FREM1: variants seen among roughly 807,000 people sequenced by gnomAD.
FREM1 encodes the protein FRAS1 related extracellular matrix 1.
In FREM1, 220 loss-of-function variants were observed where a neutral mutation model predicts 210.1. The observed-to-expected ratio is 1.05, with a 90% confidence interval of 0.94 to 1.17. The LOEUF is 1.17. Ranked by LOEUF, FREM1 falls within the 50% of genes most tolerant of loss-of-function variation. The pLI, the probability that FREM1 is intolerant of heterozygous loss-of-function variation, is 0.00. For missense variants in FREM1, 3,454 were observed against 2,675.5 expected (o/e 1.29, Z -6.42); for synonymous variants, 1,189 against 980.2 (o/e 1.21, Z -3.98).
At chr9:14,877,343 C>G (rs1269550418) in intron 1 of FREM1, among the ~76,000 whole-genome samples, 1 of 151,806 alleles carries the variant, frequency 6.6e-6, no homozygotes, top group Non-Finnish European at 1.5e-5. Context: ...TCAATCTTCC[C>G]TCCCTCAGTC....
At chr9:14,785,320 T>C (rs760481043) in intron 23 of FREM1, among the ~76,000 whole-genome samples, 138 of 152,320 alleles carry the variant, frequency 9.1e-4, no homozygotes, top group Non-Finnish European at 1.1e-3. Flanking sequence ...ATTAGTTATA[T>C]GAGCAAGCTG....
At chr9:14,774,511 ATCTCTCTCTCTCTCTCTCTCTCTCTCTC>A (rs36211636) in intron 25 of FREM1, among the ~76,000 whole-genome samples, 47 of 136,342 alleles carry the variant, frequency 3.4e-4, no homozygotes, top group African/African-American at 1.1e-3. Context: ...CCTAAAATAA[ATCTCTCTCTCTCTCTCTCTCTCTCTCTC>A]TCTCTCTCTC....
intron 17 of FREM1, among the ~76,000 whole-genome samples, chr9:14,807,699 C>A (rs542620745): frequency 7.4e-5 from 11 of 147,668 alleles, no homozygotes; most frequent in African/African-American, 2.7e-4. Flanking sequence ...ACACACACAC[C>A]CCAACACACG....
intron 8 of FREM1, 126 bp from the exon 9 acceptor site, chr9:14,842,786 A>T (rs1825916369): frequency 1.5e-6 from 1 of 653,026 alleles, no homozygotes. Flanking sequence ...CTCACCTGGA[A>T]AAACTACAGA....
chr9:14,853,764 G>A (rs989726386), intron 5 of FREM1, among the ~76,000 whole-genome samples: 1 of 152,196 alleles, frequency 6.6e-6, no homozygotes, highest in Non-Finnish European at 1.5e-5. Context: ...ATACTGAGAT[G>A]TCCCAGGGTT....
intron 1 of FREM1, among the ~76,000 whole-genome samples, chr9:14,897,653 T>C (rs1837983201): frequency 6.6e-6 from 1 of 151,758 alleles, no homozygotes; most frequent in South Asian, 2.1e-4. Context: ...TACAGTTCCT[T>C]CATCAAGGCT....
Position 14,746,914 on chromosome 9 carries a change from G to A in FREM1, c.6138+9C>T, listed in dbSNP as rs1212598050. On this transcript the variant is annotated intron_variant, in intron 34 of 36. Coordinates refer to ENST00000380880, the MANE Select transcript of FREM1 (RefSeq NM_001379081.2). Reference sequence around the variant, plus strand: ...ATAAAGGTGCTTGGCTGCTCAGCCTGCCTCCTACCTTGGTTTGGGGACTCC... The same window carrying A: ...ATAAAGGTGCTTGGCTGCTCAGCCTACCTCCTACCTTGGTTTGGGGACTCC... The A allele has an allele frequency of 3.1e-6, 5 of 1,611,690 alleles. No homozygotes were observed. The highest frequency in any genetic ancestry group is 4.2e-6 in the Non-Finnish European group (5 of 1,179,354).
At chr9:14,762,549 C>T (rs2132315093) in intron 27 of FREM1, among the ~76,000 whole-genome samples, 1 of 152,076 alleles carries the variant, frequency 6.6e-6, no homozygotes, top group South Asian at 2.1e-4. Flanking sequence ...CCTGATGCAC[C>T]ATTTGAATGC....
At chr9:14,838,313 C>T (rs113996195) in intron 10 of FREM1, among the ~76,000 whole-genome samples, 5 of 152,138 alleles carry the variant, frequency 3.3e-5, no homozygotes, top group Non-Finnish European at 7.3e-5. Flanking sequence ...TCTAGTTGAG[C>T]AGCTGAAAGT....
At chr9:14,783,297 C>T (rs1412478679) in intron 24 of FREM1, among the ~76,000 whole-genome samples, 5 of 152,114 alleles carry the variant, frequency 3.3e-5, no homozygotes, top group African/African-American at 9.7e-5. Flanking sequence ...AGATAGAGGA[C>T]AGTGATATTC....
In FREM1 at chr9:14,812,826, G is replaced by A. The variant is rs376847059; in HGVS notation, c.2879C>T (p.Thr960Ile). The A allele has an allele frequency of 3.1e-6, 5 of 1,610,492 alleles. No individual in the cohort carries two copies. The highest frequency in any genetic ancestry group is 4.2e-6 in the Non-Finnish European group (5 of 1,177,866). Residue 960 changes from threonine to isoleucine, a missense_variant, in exon 16 of 37, where the codon ACA (threonine) becomes ATA (isoleucine). Physicochemically the swap from Thr to Ile is moderately conservative, Grantham distance 89. Coordinates refer to ENST00000380880, the MANE Select transcript of FREM1 (RefSeq NM_001379081.2). ...CTGCTGCTTACCTGTGTGTTTGTAT[G>A]TCACGGCCTCTGAGATAACATCTCT... ...SQRDVISEAV[T>I]YKHTGGEIGL...
At chr9:14,821,543 A>G (rs1821312711) in intron 13 of FREM1, among the ~76,000 whole-genome samples, 1 of 152,208 alleles carries the variant, frequency 6.6e-6, no homozygotes, top group South Asian at 2.1e-4. Flanking sequence ...ATAAAATCTA[A>G]TCAAGTTGAC....
chr9:14,825,547 G>GTGTGTGTGTATATATATATATATA lies in FREM1; in HGVS notation c.1882-556_1882-555insTATATATATATATATACACACACA. 1.8e-3 allele frequency among the ~76,000 whole-genome samples: 139 copies of GTGTGTGTGTATATATATATATATA among 75,832 alleles called. 1 individual carries two copies. Among genetic ancestry groups the GTGTGTGTGTATATATATATATATA allele is most frequent in the Non-Finnish European group, 2.5e-3 (103 of 40,574 alleles). 49.7% of individuals were successfully genotyped at this position (75,832 alleles called of 152,430 possible). On this transcript the variant is annotated intron_variant, in intron 10 of 36. Transcript: ENST00000380880. ...CATATATATATATATGTGTGTGTGT[G>GTGTGTGTGTATATATATATATATA]TATATATATATATATATATATATAC... is the stretch of plus-strand genomic sequence containing the variant.
rs752813234 is a variant in FREM1 at position 14,797,498 on chromosome 9, T to C, written c.3839A>G (p.Lys1280Arg). 5.0e-6 allele frequency: 8 copies of C among 1,604,316 alleles called. No homozygotes were observed. The highest frequency in any genetic ancestry group is 4.0e-5 in the African/African-American group (3 of 74,556). ...AAGGGACTCTTTTCAGGTAGCTTAC[T>C]TGCTCAGCATTGGTTTTTCATCATT... ...PVNDEKPMLSKKAEIAMNMGE... is the reference protein window; with the variant it reads ...PVNDEKPMLSRKAEIAMNMGE... Residue 1280 changes from lysine to arginine, a missense_variant and splice_region_variant, in exon 21 of 37, where the codon AAG becomes AGG. Transcript: ENST00000380880.
intron 27 of FREM1, among the ~76,000 whole-genome samples, chr9:14,764,373 T>A (rs1846029556): frequency 6.6e-6 from 1 of 152,164 alleles, no homozygotes; most frequent in Admixed American, 6.5e-5. Flanking sequence ...ACTAACATCA[T>A]CTGTCACACA....
intron 27 of FREM1, among the ~76,000 whole-genome samples, chr9:14,760,806 C>T (rs749671103): frequency 1.1e-4 from 16 of 152,170 alleles, no homozygotes; most frequent in African/African-American, 3.6e-4. Flanking sequence ...TCAAGCAGAG[C>T]AATACGGTTT....
intron 30 of FREM1, among the ~76,000 whole-genome samples, chr9:14,749,179 TA>T (rs1264374396): frequency 6.6e-6 from 1 of 152,166 alleles, no homozygotes; most frequent in Admixed American, 6.5e-5. Flanking sequence ...TGGGAAGGCA[TA>T]AAAAATTTGA....
chr9:14,784,506 G>A lies in FREM1; in HGVS notation c.4306C>T (p.Pro1436Ser), dbSNP rs751700938. The A allele has an allele frequency of 6.2e-7, 1 of 1,613,736 alleles. No individual in the cohort carries two copies. The highest frequency in any genetic ancestry group is 1.7e-5 in the Admixed American group (1 of 59,990). Reference sequence around the variant, plus strand: ...TATTCGATCTGGCCATATCGCGGAGGGGAGGTGATGACATAGAGCAGTTCC... The same window carrying A: ...TATTCGATCTGGCCATATCGCGGAGAGGAGGTGATGACATAGAGCAGTTCC... ...PEELLYVITS[P>S]PRYGQIEYVH... is the part of the protein sequence containing the mutation. Residue 1436 changes from proline (P) to serine (S), a missense_variant, in exon 24 of 37, where the codon CCT (proline) becomes TCT (serine). Coordinates refer to ENST00000380880, the MANE Select transcript of FREM1 (RefSeq NM_001379081.2).
intron 1 of FREM1, among the ~76,000 whole-genome samples, chr9:14,896,969 G>A (rs1837853039): frequency 6.6e-6 from 1 of 152,158 alleles, no homozygotes; most frequent in African/African-American, 2.4e-5. Context: ...GATGTCTGCA[G>A]CAGAAAACAG....
Sources: gnomAD v4.1 joint callset for allele counts (sites outside exome capture counted in the v4.1 genomes callset) on GRCh38, gnomAD v4.1.1 for gene constraint, MANE v1.5 for transcripts, NCBI Gene and HGNC (gene_info 2026-07-23, HGNC 2026-07-21) for gene names.